The following RBBP8 variants were observed in gnomAD, a reference collection of about 807,000 sequenced individuals.
The protein encoded by RBBP8 is RB binding protein 8, endonuclease.
Under a neutral mutation model 108.3 loss-of-function variants are expected in RBBP8, and 88 were observed. That is an observed-to-expected ratio of 0.81 (90% CI 0.68 to 0.97). The LOEUF (loss-of-function observed/expected upper bound fraction) is 0.97. Among genes scored for constraint, RBBP8 ranks in the 50% least tolerant of loss-of-function variants. The pLI, the probability that RBBP8 is intolerant of heterozygous loss-of-function variation, is 0.00. For missense variants in RBBP8, 1,023 were observed against 1,049.0 expected (o/e 0.98, Z 0.34); for synonymous variants, 332 against 348.2 (o/e 0.95, Z 0.52).
intron 2 of RBBP8, among the ~76,000 whole-genome samples, chr18:22,940,155 A>G (rs1485810572): frequency 6.6e-6 from 1 of 151,930 alleles, no homozygotes; most frequent in Non-Finnish European, 1.5e-5. Context: ...TGACTTTAGG[A>G]CAGATTTCTC....
chr18:22,919,794 C>T (rs953563438), intron 3 of RBBP8, among the ~76,000 whole-genome samples: 8 of 151,998 alleles, frequency 5.3e-5, no homozygotes, highest in Non-Finnish European at 1.2e-4. Context: ...TTAGATGATC[C>T]ACCCTCCGTG....
intron 14 of RBBP8, 119 bp downstream of exon 14, chr18:22,997,853 C>G (rs942705442): frequency 2.5e-5 from 19 of 746,976 alleles, no homozygotes; most frequent in Non-Finnish European, 4.3e-5. Context: ...TTTTCCTGCT[C>G]TGTTAACTTT....
At position 22,949,590 on chromosome 18, in the gene RBBP8, A is replaced by C. The variant is rs776975594; in HGVS notation, c.153-28A>C. 2.3e-5 allele frequency: 35 copies of C among 1,507,606 alleles called. No individual in the cohort carries two copies. In the Admixed American group the frequency reaches 3.7e-4, roughly 16 times the overall value. 93.4% of individuals were successfully genotyped at this position (1,507,606 alleles called of 1,614,324 possible). A position where few individuals can be genotyped will look rare whatever the true frequency, so the allele number is the denominator to read the frequency against. On this transcript the variant is annotated intron_variant, in intron 3 of 18. Coordinates refer to ENST00000327155, the MANE Select transcript of RBBP8 (RefSeq NM_002894.3). Reference sequence around the variant, plus strand: ...ATCCTGTTAAGAGTATTTTTATCTGAAAAACTTATTTATTTTTTGACCTTT... The same window carrying C: ...ATCCTGTTAAGAGTATTTTTATCTGCAAAACTTATTTATTTTTTGACCTTT...
chr18:22,978,291 C>T (rs938552794), intron 6 of RBBP8, among the ~76,000 whole-genome samples: 1 of 152,148 alleles, frequency 6.6e-6, no homozygotes, highest in Non-Finnish European at 1.5e-5. Context: ...CAGCTCAAGC[C>T]ATCAGAAGGA....
chr18:22,977,513 G>A (rs1488690416), intron 6 of RBBP8, among the ~76,000 whole-genome samples: 2 of 151,934 alleles, frequency 1.3e-5, no homozygotes, highest in Non-Finnish European at 1.5e-5. Context: ...CATTCTTTTC[G>A]TTTTAGAAAA....
chr18:22,999,501 T>C (rs1341948848), intron 14 of RBBP8, among the ~76,000 whole-genome samples: 1 of 152,186 alleles, frequency 6.6e-6, no homozygotes, highest in Non-Finnish European at 1.5e-5. Flanking sequence ...GACATTTTTA[T>C]GACCTCAGAG....
intron 16 of RBBP8, among the ~76,000 whole-genome samples, chr18:23,009,886 C>T (rs1380745585): frequency 1.3e-5 from 2 of 152,166 alleles, no homozygotes; most frequent in South Asian, 2.1e-4. Context: ...CTCAGCCTCC[C>T]GAGTAGCTAG....
At chr18:22,978,370 G>A (rs542093808) in intron 6 of RBBP8, among the ~76,000 whole-genome samples, 1 of 152,222 alleles carries the variant, frequency 6.6e-6, no homozygotes, top group African/African-American at 2.4e-5. Flanking sequence ...CTTTCTCTCA[G>A]AAAATCAGTG....
At chr18:22,975,348 A>G in intron 6 of RBBP8, 129 bp downstream of exon 6, 1 of 1,361,512 alleles carries the variant, frequency 7.3e-7, no homozygotes, top group Non-Finnish European at 9.9e-7. Context: ...TACAAAGAAA[A>G]TCACTACATT....
rs535820064 is a variant in RBBP8, at chr18:22,996,732, CATGCCTGTA to C, written c.2028+273_2028+281del. 8.4e-4 allele frequency among the ~76,000 whole-genome samples: 128 copies of C among 152,278 alleles called. No individual in the cohort carries two copies. The Middle Eastern group carries it at 0.017, about 20-fold the overall frequency. ...AATGCAGTGGGCAGGCGCAGTGGCTCATGCCTGTAATCCCAACACTCTGGGAGGTCGAAG... is the reference window on the plus strand; with the variant it reads ...AATGCAGTGGGCAGGCGCAGTGGCTCATCCCAACACTCTGGGAGGTCGAAG... On this transcript the variant is annotated intron_variant, in intron 13 of 18. Coordinates refer to ENST00000327155, the MANE Select transcript of RBBP8 (RefSeq NM_002894.3).
At chr18:22,984,735 TATG>T (rs1334572133) in intron 7 of RBBP8, 148 bp from the exon 8 acceptor site, 1 of 495,090 alleles carries the variant, frequency 2.0e-6, no homozygotes, top group East Asian at 3.7e-5. Flanking sequence ...CTTCTTAGAA[TATG>T]ATAATTATGT....
chr18:22,992,362 AT>A (rs1915759109), intron 10 of RBBP8, among the ~76,000 whole-genome samples: 1 of 152,008 alleles, frequency 6.6e-6, no homozygotes, highest in Non-Finnish European at 1.5e-5. Context: ...CACCCGGCTA[AT>A]TTTTGTATTT....
At chr18:22,963,881 T>C (rs1227304127) in intron 4 of RBBP8, among the ~76,000 whole-genome samples, 1 of 152,136 alleles carries the variant, frequency 6.6e-6, no homozygotes, top group African/African-American at 2.4e-5. Flanking sequence ...TCACTACCAT[T>C]TTGAGACCTT....
At chr18:23,020,461 G>A (rs2046330692) in intron 17 of RBBP8, among the ~76,000 whole-genome samples, 1 of 151,936 alleles carries the variant, frequency 6.6e-6, no homozygotes, top group Non-Finnish European at 1.5e-5. Flanking sequence ...TTATTTTTTA[G>A]AGCAGTTATA....
intron 15 of RBBP8, among the ~76,000 whole-genome samples, chr18:23,003,833 C>T (rs1300108384): frequency 2.0e-5 from 3 of 151,974 alleles, no homozygotes; most frequent in South Asian, 4.2e-4. Flanking sequence ...CCAAGGCGGG[C>T]GGATCACGAG....
chr18:22,966,358 T>C (rs1913583498), intron 4 of RBBP8, among the ~76,000 whole-genome samples: 1 of 152,172 alleles, frequency 6.6e-6, no homozygotes, highest in Admixed American at 6.5e-5. Context: ...GAAATTCCGA[T>C]TCTATTAATG....
chr18:22,949,543 A>G, intron 3 of RBBP8, 75 bp from the exon 4 acceptor site: 2 of 1,078,782 alleles, frequency 1.9e-6, no homozygotes, highest in Non-Finnish European at 2.8e-6. Context: ...TGTTATATAA[A>G]CACGGTGGAG....
chr18:22,978,704 G>A (rs2144638234), intron 6 of RBBP8, among the ~76,000 whole-genome samples: 1 of 152,222 alleles, frequency 6.6e-6, no homozygotes, highest in East Asian at 1.9e-4. Flanking sequence ...TTTCTCATAT[G>A]ACTTTAACTT....
intron 16 of RBBP8, among the ~76,000 whole-genome samples, chr18:23,015,696 A>G (rs1233788401): frequency 1.3e-5 from 2 of 151,956 alleles, no homozygotes; most frequent in Non-Finnish European, 2.9e-5. Flanking sequence ...TTTTACCAGC[A>G]CCGTTTATTA....
Sources: gnomAD v4.1 joint callset for allele counts (sites outside exome capture counted in the v4.1 genomes callset) on GRCh38, gnomAD v4.1.1 for gene constraint, MANE v1.5 for transcripts, NCBI Gene and HGNC (gene_info 2026-07-23, HGNC 2026-07-21) for gene names.